SDCCAG8: variants seen among roughly 807,000 people sequenced by gnomAD.
SDCCAG8 encodes SHH signaling and ciliogenesis regulator SDCCAG8.
SDCCAG8 carries 74 observed loss-of-function variants against 101.8 expected under a neutral mutation model. The ratio of observed to expected loss-of-function variants is 0.73; its 90% confidence interval spans 0.60 to 0.88. The LOEUF is 0.88. Ranked by LOEUF, SDCCAG8 falls within the 40% of genes least tolerant of loss-of-function variation. The probability of loss-of-function intolerance (pLI) is 0.00; values close to 1 mark genes in which losing one functional copy is unlikely to be tolerated. For synonymous variants in SDCCAG8, 281 were observed against 292.9 expected, an observed-to-expected ratio of 0.96 and a Z score of 0.41; for missense variants, 787 against 822.6, an observed-to-expected ratio of 0.96 and a Z score of 0.53.
intron 6 of SDCCAG8, among the ~76,000 whole-genome samples, chr1:243,303,729 T>C (rs1203477902): frequency 6.6e-6 from 1 of 152,190 alleles, no homozygotes; most frequent in African/African-American, 2.4e-5. Context: ...TATTGTTAAG[T>C]CTTCTAGTCA....
intron 3 of SDCCAG8, among the ~76,000 whole-genome samples, chr1:243,273,209 T>C (rs187070573): frequency 6.6e-6 from 1 of 152,336 alleles, no homozygotes; most frequent in East Asian, 1.9e-4. Flanking sequence ...TATTTTATTC[T>C]GCCATGATAG....
chr1:243,377,351 T>C (rs1266431381), intron 12 of SDCCAG8, among the ~76,000 whole-genome samples: 1 of 152,020 alleles, frequency 6.6e-6, no homozygotes, highest in Non-Finnish European at 1.5e-5. Flanking sequence ...TCTTTAATTA[T>C]ATTTAATTAT....
intron 12 of SDCCAG8, 120 bp downstream of exon 12, chr1:243,344,451 C>A (rs2075580389): frequency 2.4e-6 from 2 of 826,908 alleles, no homozygotes; most frequent in Non-Finnish European, 4.0e-6. Context: ...TGGGATGATC[C>A]AGTTTACACT....
At chr1:243,385,399 A>G (rs141075175) in intron 13 of SDCCAG8, among the ~76,000 whole-genome samples, 1 of 152,282 alleles carries the variant, frequency 6.6e-6, no homozygotes, top group African/African-American at 2.4e-5. Context: ...CTAAAATTAA[A>G]GAAAAAAGTA....
rs762499427 is a variant in SDCCAG8, at chr1:243,304,742, G to A, written c.705G>A (p.Lys235=). The change falls in exon 7 of 18, where the codon AAG becomes AAA. Residue 235 remains lysine (K), a synonymous_variant. Transcript: ENST00000366541. ...LEKLKLTYEE[K]CEIEESQLKF... is the part of the protein sequence containing the mutation. ...AGCTAAAACTTACTTATGAGGAAAA[G>A]TGTGAAATTGAGGAATCCCAATTGA... is the stretch of plus-strand genomic sequence containing the variant. The A allele has an allele frequency of 5.6e-6, 9 of 1,595,672 alleles. No individual in the cohort carries two copies. In the African/African-American group the frequency reaches 1.2e-4, roughly 21 times the overall value.
At chr1:243,414,128 G>A (rs376095235) in intron 13 of SDCCAG8, among the ~76,000 whole-genome samples, 1 of 152,164 alleles carries the variant, frequency 6.6e-6, no homozygotes, top group Non-Finnish European at 1.5e-5. Flanking sequence ...ATCTTTGTAC[G>A]ATGTACACAA....
intron 16 of SDCCAG8, among the ~76,000 whole-genome samples, chr1:243,443,209 A>G (rs892995349): frequency 1.3e-5 from 2 of 152,212 alleles, no homozygotes; most frequent in Non-Finnish European, 2.9e-5. Context: ...TCTCAGTGAC[A>G]TGTAAAGGGA....
At chr1:243,336,740 A>G (rs866200100) in intron 10 of SDCCAG8, among the ~76,000 whole-genome samples, 5 of 152,244 alleles carry the variant, frequency 3.3e-5, no homozygotes, top group South Asian at 4.1e-4. Flanking sequence ...AGTCCAAACC[A>G]TATCATTCAT....
At chr1:243,420,579 C>T (rs1221240910) in intron 15 of SDCCAG8, among the ~76,000 whole-genome samples, 1 of 152,104 alleles carries the variant, frequency 6.6e-6, no homozygotes, top group Non-Finnish European at 1.5e-5. Flanking sequence ...AAGCAGGCAC[C>T]TACTCTAAGT....
intron 7 of SDCCAG8, chr1:243,305,430 T>C (rs938441041): frequency 2.0e-5 from 3 of 152,106 alleles, no homozygotes; most frequent in African/African-American, 7.2e-5. Context: ...TCTCTGTAGA[T>C]AGTCTTCATC....
chr1:243,296,619 T>C (rs1169798062), intron 6 of SDCCAG8, among the ~76,000 whole-genome samples: 2 of 132,824 alleles, frequency 1.5e-5, no homozygotes, highest in Non-Finnish European at 3.1e-5. Context: ...CTCCGCTCAC[T>C]GCAAGCTCCG....
intron 16 of SDCCAG8, among the ~76,000 whole-genome samples, chr1:243,477,270 G>C (rs1662635776): frequency 6.6e-6 from 1 of 152,192 alleles, no homozygotes; most frequent in Admixed American, 6.5e-5. Flanking sequence ...GCCACATGCA[G>C]CATAGATACT....
intron 16 of SDCCAG8, among the ~76,000 whole-genome samples, chr1:243,469,079 C>T (rs1660714209): frequency 6.6e-6 from 1 of 152,200 alleles, no homozygotes; most frequent in African/African-American, 2.4e-5. Context: ...GGATCATGCT[C>T]AGATTTCGAC....
chr1:243,372,908 C>CTA (rs2077375423), intron 12 of SDCCAG8, among the ~76,000 whole-genome samples: 1 of 127,996 alleles, frequency 7.8e-6, no homozygotes, highest in African/African-American at 3.4e-5. Context: ...ATATCTATAT[C>CTA]TATATCTATA....
intron 8 of SDCCAG8, among the ~76,000 whole-genome samples, chr1:243,308,956 C>T (rs1425588976): frequency 6.6e-6 from 1 of 152,182 alleles, no homozygotes; most frequent in Non-Finnish European, 1.5e-5. Context: ...CAGATCACTT[C>T]CTTTTAGAAG....
intron 8 of SDCCAG8, among the ~76,000 whole-genome samples, chr1:243,313,902 T>C (rs192184507): frequency 3.3e-5 from 5 of 152,210 alleles, no homozygotes; most frequent in Non-Finnish European, 7.4e-5. Context: ...TCCCAGGGGA[T>C]AAGTGGGCTA....
intron 16 of SDCCAG8, among the ~76,000 whole-genome samples, chr1:243,430,010 T>G (rs2148053960): frequency 6.6e-6 from 1 of 152,182 alleles, no homozygotes; most frequent in Admixed American, 6.5e-5. Flanking sequence ...TTTTTAAAAC[T>G]TTTTGTGGGT....
intron 12 of SDCCAG8, among the ~76,000 whole-genome samples, chr1:243,366,581 C>T (rs989931734): frequency 1.3e-5 from 2 of 151,886 alleles, no homozygotes; most frequent in Non-Finnish European, 2.9e-5. Context: ...AATATTAATA[C>T]TTATAATTTC....
chr1:243,280,044 T>C (rs543913639), intron 4 of SDCCAG8, among the ~76,000 whole-genome samples: 71 of 152,326 alleles, frequency 4.7e-4, no homozygotes, highest in African/African-American at 1.6e-3. Flanking sequence ...CTTTCTGTTT[T>C]GAAAGGTTGC....
Sources: gnomAD v4.1 joint callset for allele counts (sites outside exome capture counted in the v4.1 genomes callset) on GRCh38, gnomAD v4.1.1 for gene constraint, MANE v1.5 for transcripts, NCBI Gene and HGNC (gene_info 2026-07-23, HGNC 2026-07-21) for gene names.